The following OPCML variants were observed in gnomAD, a reference collection of about 807,000 sequenced individuals.
OPCML encodes the protein opioid-binding protein/cell adhesion molecule.
OPCML carries 13 observed loss-of-function variants against 37.8 expected under a neutral mutation model. The ratio of observed to expected loss-of-function variants is 0.34; its 90% confidence interval spans 0.22 to 0.55. The LOEUF is 0.55. OPCML is among the 20% of genes least tolerant of loss of function. The pLI is 0.91. For synonymous variants in OPCML, 176 were observed against 168.8 expected (o/e 1.04, Z -0.33); for missense variants, 341 against 435.6 (o/e 0.78, Z 1.93).
At chr11:133,172,809 C>G (rs12362114) in intron 1 of OPCML, among the ~76,000 whole-genome samples, 4,743 of 152,140 alleles carry the variant, frequency 0.031, 140 homozygotes, top group Non-Finnish European at 0.05. Context: ...AAAAATAAAT[C>G]TAAGTAACAG....
intron 1 of OPCML, among the ~76,000 whole-genome samples, chr11:133,029,811 C>T (rs113030014): frequency 4.4e-4 from 67 of 152,064 alleles, no homozygotes; most frequent in African/African-American, 1.5e-3. Flanking sequence ...CTCAGCATCA[C>T]GCTATATATT....
rs1403456072 is a variant in OPCML, at chr11:133,532,295, G to A, written c.30C>T (p.Phe10=). Residue 10 remains phenylalanine (F), a synonymous_variant, in exon 1 of 8, where the codon TTC becomes TTT. Transcript: ENST00000524381. ...TGAAGAGCAGGGCAGTTGTCGCCGA[G>A]AAGACGACCCAGTAGGCAGGATGGT... MYHPAYWVV[F]SATTALLFIP... The A allele has an allele frequency of 1.2e-6, 2 of 1,614,032 alleles. No homozygotes were observed. The highest frequency in any genetic ancestry group is 1.7e-6 in the Non-Finnish European group (2 of 1,179,964).
chr11:132,943,832 G>A lies in OPCML; in HGVS notation c.62-822C>T, dbSNP rs117671974. 17,443 of 150,424 alleles carry A rather than the reference G, an allele frequency of 0.12. 1,294 individuals carry two copies. Among genetic ancestry groups the A allele is most frequent in the African/African-American group, 0.21 (8,498 of 41,292 alleles). 9.3% of individuals were successfully genotyped at this position (150,424 alleles called of 1,614,324 possible). On this transcript the variant is annotated intron_variant, in intron 1 of 7. Coordinates refer to ENST00000524381, the MANE Select transcript of OPCML (RefSeq NM_001012393.5). The surrounding 1 kb of genome is among the most constrained non-coding windows in gnomAD (Gnocchi z 4.3). ...CCCGCCTCCTCCGGGGACGCGGCAC[G>A]AGACGCGGGGACGCGCGGACGCCAC...
At chr11:132,677,534 G>A (rs189211197) in intron 2 of OPCML, among the ~76,000 whole-genome samples, 3 of 152,268 alleles carry the variant, frequency 2.0e-5, no homozygotes, top group East Asian at 1.9e-4. Flanking sequence ...AATCAAGACA[G>A]CATGTATTAT....
At chr11:133,025,628 G>A (rs993368836) in intron 1 of OPCML, 1 of 269,306 alleles carries the variant, frequency 3.7e-6, no homozygotes, top group African/African-American at 2.3e-5. Flanking sequence ...TCACTTGTTG[G>A]CCAGGCTAGT....
intron 1 of OPCML, among the ~76,000 whole-genome samples, chr11:133,101,715 C>T (rs1274579867): frequency 6.6e-6 from 1 of 152,144 alleles, no homozygotes; most frequent in East Asian, 1.9e-4. Flanking sequence ...ATGCTCCTTG[C>T]TTTTTCCACA....
intron 3 of OPCML, among the ~76,000 whole-genome samples, chr11:132,541,431 T>C (rs2096356152): frequency 1.3e-5 from 2 of 152,160 alleles, no homozygotes; most frequent in African/African-American, 4.8e-5. Context: ...GAGGAATAAA[T>C]GATAAATGAA....
intron 1 of OPCML, among the ~76,000 whole-genome samples, chr11:133,278,932 C>A (rs111511711): frequency 6.6e-6 from 1 of 152,088 alleles, no homozygotes; most frequent in Non-Finnish European, 1.5e-5. Context: ...CACTTTCATG[C>A]GCCTAATCAA....
chr11:132,927,372 T>TC (rs1311637869), intron 2 of OPCML, among the ~76,000 whole-genome samples: 1 of 152,144 alleles, frequency 6.6e-6, no homozygotes, highest in Admixed American at 6.5e-5. Flanking sequence ...AAATCTTGCC[T>TC]CCCAGAAGGC....
chr11:132,440,514 G>A (rs775728206), intron 4 of OPCML, among the ~76,000 whole-genome samples: 5 of 152,082 alleles, frequency 3.3e-5, no homozygotes, highest in Non-Finnish European at 5.9e-5. Flanking sequence ...ACCCACACAC[G>A]TGAAGTCTTC....
intron 1 of OPCML, among the ~76,000 whole-genome samples, chr11:133,038,083 T>C (rs761371585): frequency 5.3e-5 from 8 of 152,202 alleles, no homozygotes; most frequent in Admixed American, 6.5e-5. Flanking sequence ...TTGGCCCATA[T>C]CTCTACAAGT....
chr11:133,518,308 T>C (rs1027406586), intron 1 of OPCML, among the ~76,000 whole-genome samples: 1 of 149,626 alleles, frequency 6.7e-6, no homozygotes, highest in Non-Finnish European at 1.5e-5. Context: ...GTAATGTGTA[T>C]GGAAGCGTGT....
chr11:132,726,373 CTT>C, intron 2 of OPCML, among the ~76,000 whole-genome samples: 1 of 152,172 alleles, frequency 6.6e-6, no homozygotes, highest in Non-Finnish European at 1.5e-5. Flanking sequence ...TCTCATGAGA[CTT>C]TTATTCACTA....
chr11:133,304,524 C>G (rs1024306360), intron 1 of OPCML, among the ~76,000 whole-genome samples: 2 of 152,290 alleles, frequency 1.3e-5, no homozygotes, highest in Admixed American at 6.5e-5. Context: ...GCTTGGATAC[C>G]ACCATGTGCT....
chr11:133,411,047 C>T (rs950749065), intron 1 of OPCML, among the ~76,000 whole-genome samples: 1 of 152,188 alleles, frequency 6.6e-6, no homozygotes, highest in African/African-American at 2.4e-5. Flanking sequence ...TGTCCCCTCA[C>T]AGGACCCTGA....
intron 7 of OPCML, among the ~76,000 whole-genome samples, chr11:132,432,555 C>T (rs781329998): frequency 1.3e-5 from 2 of 152,218 alleles, no homozygotes; most frequent in Admixed American, 6.5e-5. Context: ...GAGACACATA[C>T]CCCTTCCTCT....
chr11:132,824,741 G>A (rs1362288307), intron 2 of OPCML, among the ~76,000 whole-genome samples: 1 of 152,046 alleles, frequency 6.6e-6, no homozygotes, highest in Non-Finnish European at 1.5e-5. Context: ...AACTTCCCGT[G>A]GCTGTAAACT....
chr11:132,708,328 A>G (rs1042700364), intron 2 of OPCML, among the ~76,000 whole-genome samples: 1 of 152,184 alleles, frequency 6.6e-6, no homozygotes, highest in Non-Finnish European at 1.5e-5. Context: ...TTTTCCCAAC[A>G]TACATACACT....
chr11:133,095,934 G>A (rs1948995360), intron 1 of OPCML, among the ~76,000 whole-genome samples: 1 of 152,016 alleles, frequency 6.6e-6, no homozygotes, highest in African/African-American at 2.4e-5. Context: ...TGTGTTGCCA[G>A]TAAATCTGCC....
Sources: gnomAD v4.1 joint callset for allele counts (sites outside exome capture counted in the v4.1 genomes callset) on GRCh38, gnomAD v4.1.1 for gene constraint, Gnocchi (gnomAD v3.1) non-coding constraint, MANE v1.5 for transcripts, NCBI Gene and HGNC (gene_info 2026-07-23, HGNC 2026-07-21) for gene names.